TRMT2B: variants seen among roughly 807,000 people sequenced by gnomAD.
TRMT2B encodes the protein tRNA (uracil-5-)-methyltransferase homolog B.
In TRMT2B, 34 loss-of-function variants were observed where a neutral mutation model predicts 39.7. The ratio of observed to expected loss-of-function variants is 0.86; its 90% confidence interval spans 0.65 to 1.14. The LOEUF (loss-of-function observed/expected upper bound fraction) is 1.14, where lower values mean the gene tolerates loss of function less well. TRMT2B is among the 50% of genes most tolerant of loss of function. TRMT2B has a pLI of 0.00. For synonymous variants in TRMT2B, 132 were observed against 137.3 expected, an observed-to-expected ratio of 0.96 and a Z score of 0.27; for missense variants, 318 against 377.2, an observed-to-expected ratio of 0.84 and a Z score of 1.30.
chrX:101,019,304 T>G lies in TRMT2B; in HGVS notation c.1268A>C (p.Asn423Thr), dbSNP rs1435045144. 5.8e-6 allele frequency: 7 copies of G among 1,209,701 alleles called. No homozygotes were observed. Among genetic ancestry groups the G allele is most frequent in the Non-Finnish European group, 6.7e-6 (6 of 895,215 alleles). Residue 423 changes from asparagine (N) to threonine (T), a missense_variant, in exon 12 of 14, where the codon AAC (asparagine) becomes ACC (threonine). Physicochemically the swap from Asn to Thr is moderately conservative, Grantham distance 65 (BLOSUM62 0). Coordinates refer to ENST00000372936, the MANE Select transcript of TRMT2B (RefSeq NM_024917.6). ...CTTACGCAGTCCGGCACGGGCTGGG[T>G]TCACCACAGCAACAATTGACTGTCC... ...EDGQSIVAVV[N>T]PARAGLHYKV... is the part of the protein sequence containing the mutation.
intron 2 of TRMT2B, 92 bp from the exon 3 acceptor site, chrX:101,042,404 G>A (rs956883061): frequency 2.8e-5 from 27 of 978,320 alleles, no homozygotes; most frequent in South Asian, 1.5e-4. Context: ...GAACTGAAGC[G>A]CCTAGCAGAA....
At chrX:101,002,177 G>T in the TRMT2B span, among the ~76,000 whole-genome samples, 4 of 111,303 alleles carry the variant, frequency 3.6e-5, no homozygotes, top group Non-Finnish European at 3.8e-5. Flanking sequence ...CATTTCACGG[G>T]ACAGGCCAGG....
intron 1 of TRMT2B, 29 bp from the exon 2 acceptor site, chrX:101,051,762 C>A (rs915199012): frequency 4.3e-6 from 3 of 701,566 alleles, no homozygotes; most frequent in Non-Finnish European, 5.1e-6. Flanking sequence ...ATCAGGTTTT[C>A]CGGGCTATTT....
At chrX:101,023,751 A>C (rs780359434) in intron 7 of TRMT2B, 135 bp from the exon 8 acceptor site, 2 of 546,507 alleles carry the variant, frequency 3.7e-6, no homozygotes, top group African/African-American at 4.6e-5. Flanking sequence ...CCAGTACTCA[A>C]AATGTGTCTA....
At chrX:101,032,184 G>A (rs1438666347) in intron 7 of TRMT2B, among the ~76,000 whole-genome samples, 4 of 110,690 alleles carry the variant, frequency 3.6e-5, no homozygotes, top group African/African-American at 1.3e-4. Context: ...TACTCGGGAG[G>A]CTGAGGCAGG....
At chrX:101,019,221 G>A (rs763242233) in intron 12 of TRMT2B, 63 bp downstream of exon 12, 4 of 1,200,014 alleles carry the variant, frequency 3.3e-6, no homozygotes, top group African/African-American at 3.5e-5. Context: ...AGCATGGTGT[G>A]GAAAAGAAGA....
intron 7 of TRMT2B, among the ~76,000 whole-genome samples, chrX:101,033,234 C>T (rs868286847): frequency 1.0e-5 from 1 of 99,058 alleles, no homozygotes; most frequent in Non-Finnish European, 2.0e-5. Context: ...CCAGCCTGGG[C>T]GACAAGAGCA....
chrX:100,982,506 T>C, the TRMT2B span, among the ~76,000 whole-genome samples: 1 of 85,881 alleles, frequency 1.2e-5, no homozygotes, highest in African/African-American at 4.1e-5. Flanking sequence ...AATAAATAAA[T>C]AAAATGCTCT....
intron 2 of TRMT2B, among the ~76,000 whole-genome samples, chrX:101,048,967 C>T (rs1315724402): frequency 1.8e-5 from 2 of 112,025 alleles, no homozygotes; most frequent in East Asian, 5.6e-4. Context: ...CTTTCTTAGG[C>T]TCTGATTCAA....
chrX:101,004,827 A>G (rs1230850156), downstream of TRMT2B, among the ~76,000 whole-genome samples: 4 of 111,483 alleles, frequency 3.6e-5, no homozygotes, highest in African/African-American at 9.8e-5. Context: ...TGTGAGTCTA[A>G]TCAAGCCACT....
the TRMT2B span, among the ~76,000 whole-genome samples, chrX:100,976,515 C>G: frequency 2.7e-5 from 3 of 111,812 alleles, no homozygotes; most frequent in Non-Finnish European, 5.6e-5. Flanking sequence ...CCTCTGTCTA[C>G]GCAGGACCAT....
intron 13 of TRMT2B, among the ~76,000 whole-genome samples, chrX:101,014,785 G>A (rs192601312): frequency 2.7e-5 from 3 of 110,394 alleles, no homozygotes; most frequent in Admixed American, 9.9e-5. Context: ...GAATCTGCCC[G>A]CCTCAGCCTC....
the TRMT2B span, chrX:100,990,781 T>C: frequency 2.4e-6 from 1 of 413,221 alleles, no homozygotes; most frequent in Admixed American, 4.7e-5. Flanking sequence ...TCTTTAAGGT[T>C]CTTAGGCAGA....
chrX:101,026,716 C>G (rs1050938799), intron 7 of TRMT2B, among the ~76,000 whole-genome samples: 1 of 111,028 alleles, frequency 9.0e-6, no homozygotes, highest in Admixed American at 9.7e-5. Flanking sequence ...CCTAAAATAA[C>G]AGAATATTCC....
At chrX:100,997,527 A>C in the TRMT2B span, among the ~76,000 whole-genome samples, 1 of 111,666 alleles carries the variant, frequency 9.0e-6, no homozygotes, top group Admixed American at 9.6e-5. Flanking sequence ...GTTAGTTTAC[A>C]AAAAAAATCC....
the TRMT2B span, among the ~76,000 whole-genome samples, chrX:100,989,608 CAA>C: frequency 1.7e-4 from 10 of 57,275 alleles, no homozygotes; most frequent in Admixed American, 6.6e-4. Flanking sequence ...GACTCCATCT[CAA>C]AAAAAAAAAA....
the TRMT2B span, among the ~76,000 whole-genome samples, chrX:100,981,847 G>A: frequency 9.4e-6 from 1 of 106,085 alleles, no homozygotes. Context: ...ACCAGGTACT[G>A]TGATCGCTCA....
chrX:100,998,263 A>G, the TRMT2B span, among the ~76,000 whole-genome samples: 2 of 107,787 alleles, frequency 1.9e-5, no homozygotes, highest in African/African-American at 6.7e-5. Flanking sequence ...CCATCTCAAA[A>G]AAAAAAAAAA....
At chrX:101,020,145 A>G (rs2086725807) in intron 11 of TRMT2B, among the ~76,000 whole-genome samples, 1 of 111,801 alleles carries the variant, frequency 8.9e-6, no homozygotes, top group African/African-American at 3.2e-5. Flanking sequence ...TGCTGAAAAT[A>G]TAGGTTTGAC....
Sources: gnomAD v4.1 joint callset for allele counts (sites outside exome capture counted in the v4.1 genomes callset) on GRCh38, gnomAD v4.1.1 for gene constraint, MANE v1.5 for transcripts, NCBI Gene and HGNC (gene_info 2026-07-23, HGNC 2026-07-21) for gene names.